LRRC37A: variants seen among roughly 807,000 people sequenced by gnomAD.
LRRC37A encodes leucine-rich repeat-containing protein 37A.
A neutral mutation model predicts 35.4 loss-of-function variants in LRRC37A; 3 were observed. The ratio of observed to expected loss-of-function variants is 0.08; its 90% CI spans 0.04 to 0.22. LRRC37A has a LOEUF of 0.22. Ranked by LOEUF, LRRC37A falls within the 10% of genes least tolerant of loss-of-function variation. The probability of loss-of-function intolerance (pLI) is 1.00; values close to 1 mark genes in which losing one functional copy is unlikely to be tolerated. For synonymous variants in LRRC37A, 23 were observed against 215.0 expected (o/e 0.11, Z 7.81); for missense variants, 67 against 565.3 (o/e 0.12, Z 8.94).
the LRRC37A span, among the ~76,000 whole-genome samples, chr17:46,266,551 G>C: frequency 2.0e-4 from 30 of 152,314 alleles, no homozygotes; most frequent in African/African-American, 7.2e-4. Context: ...CGCGGGTGTG[G>C]AGAAGGGGTT....
At chr17:46,251,100 A>G in the LRRC37A span, among the ~76,000 whole-genome samples, 1 of 152,152 alleles carries the variant, frequency 6.6e-6, no homozygotes, top group African/African-American at 2.4e-5. Flanking sequence ...CCCTGTCTCA[A>G]AAAACAAACA....
chr17:46,252,437 G>T, the LRRC37A span, among the ~76,000 whole-genome samples: 4 of 145,638 alleles, frequency 2.7e-5, no homozygotes, highest in Admixed American at 1.4e-4. Flanking sequence ...GATTTGGCAG[G>T]GTCATAGGAC....
the LRRC37A span, among the ~76,000 whole-genome samples, chr17:46,286,607 T>C: frequency 6.6e-6 from 1 of 151,916 alleles, no homozygotes; most frequent in African/African-American, 2.4e-5. Flanking sequence ...AAACATTCAC[T>C]ATGAAGCAAG....
chr17:46,261,037 A>G, the LRRC37A span, among the ~76,000 whole-genome samples: 1 of 152,186 alleles, frequency 6.6e-6, no homozygotes, highest in Admixed American at 6.5e-5. Flanking sequence ...AGAATGACAC[A>G]GTGGACTTTG....
the LRRC37A span, among the ~76,000 whole-genome samples, chr17:46,278,548 C>T: frequency 5.7e-4 from 86 of 150,724 alleles, 1 homozygote; most frequent in South Asian, 0.015. Context: ...GGATTACAGG[C>T]GCTCACCACT....
chr17:46,291,487 G>C (rs1413019309), upstream of LRRC37A, among the ~76,000 whole-genome samples: 1 of 151,112 alleles, frequency 6.6e-6, no homozygotes, highest in African/African-American at 2.5e-5. Context: ...CTGTGTGTGA[G>C]GCAGTGATAG....
At chr17:46,288,131 A>G (rs1302274979), upstream of LRRC37A, among the ~76,000 whole-genome samples, 2 of 152,028 alleles carry the variant, frequency 1.3e-5, no homozygotes, top group East Asian at 3.9e-4. Context: ...ATACATGGCT[A>G]TGTAGTTTAT....
intron 3 of LRRC37A, among the ~76,000 whole-genome samples, chr17:46,305,035 A>AT (rs1183070261): frequency 0.016 from 1,024 of 63,194 alleles, 37 homozygotes; most frequent in African/African-American, 0.028. Flanking sequence ...GGCCCGGCTA[A>AT]TTTTTTTTTT....
the LRRC37A span, among the ~76,000 whole-genome samples, chr17:46,281,123 C>A: frequency 7.0e-5 from 10 of 141,868 alleles, no homozygotes; most frequent in Non-Finnish European, 1.6e-4. Flanking sequence ...CTAAAAGTTT[C>A]TTTTATTCTT....
At chr17:46,316,051 G>T (rs1361481534) in intron 5 of LRRC37A, among the ~76,000 whole-genome samples, 109 of 11,866 alleles carry the variant, frequency 9.2e-3, no homozygotes, top group African/African-American at 0.023. Flanking sequence ...AGCCTCCTGA[G>T]TAGCTGGGAC....
chr17:46,277,637 TTTTC>T, the LRRC37A span, among the ~76,000 whole-genome samples: 10 of 150,258 alleles, frequency 6.7e-5, no homozygotes, highest in Non-Finnish European at 7.4e-5. Flanking sequence ...TTTTCTTTTC[TTTTC>T]TTTCTTTCTT....
intron 3 of LRRC37A, among the ~76,000 whole-genome samples, chr17:46,304,951 G>T (rs1447050625): frequency 1.5e-5 from 1 of 67,640 alleles, no homozygotes; most frequent in African/African-American, 3.4e-5. Flanking sequence ...TCACTGCAAG[G>T]TCCGCCTCCT....
At chr17:46,258,153 AAG>A in the LRRC37A span, among the ~76,000 whole-genome samples, 2 of 152,236 alleles carry the variant, frequency 1.3e-5, no homozygotes, top group Non-Finnish European at 2.9e-5. Context: ...ATGACTAAAA[AAG>A]AGAGAGAACA....
At chr17:46,272,989 CTT>C in the LRRC37A span, among the ~76,000 whole-genome samples, 3 of 152,186 alleles carry the variant, frequency 2.0e-5, no homozygotes, top group African/African-American at 7.2e-5. Flanking sequence ...AAAAACATTA[CTT>C]TATTTTTCTA....
chr17:46,255,335 G>A, the LRRC37A span, among the ~76,000 whole-genome samples: 1,948 of 151,588 alleles, frequency 0.013, 32 homozygotes, highest in African/African-American at 0.042. Context: ...TACTATTATG[G>A]GCTAAGTGTT....
At position 46,314,471 on chromosome 17, in the gene LRRC37A, G is replaced by T. The variant is rs1461109699; in HGVS notation, c.2907-7851G>T. ...GTTCAGGTGACGCCATTGCACTCAA[G>T]CCTGGGCAACAGAGTGAGACTCCAA... On this transcript the variant is annotated intron_variant, in intron 5 of 13. Coordinates refer to ENST00000320254, the Ensembl canonical transcript of LRRC37A. 2.4e-5 allele frequency among the ~76,000 whole-genome samples: 2 copies of T among 82,018 alleles called. 1 individual carries two copies. Among genetic ancestry groups the T allele is most frequent in the Non-Finnish European group, 7.0e-5 (2 of 28,380 alleles). The allele number at this position is 82,018 out of a possible 152,430, so 53.8% of individuals were successfully genotyped here.
At chr17:46,279,453 G>C in the LRRC37A span, among the ~76,000 whole-genome samples, 1 of 150,948 alleles carries the variant, frequency 6.6e-6, no homozygotes, top group Non-Finnish European at 1.5e-5. Context: ...CAAAGTGCTG[G>C]GATTACAGGC....
At chr17:46,276,790 C>CTTTTTTTTTTTTTTTTTTT in the LRRC37A span, among the ~76,000 whole-genome samples, 5 of 134,314 alleles carry the variant, frequency 3.7e-5, no homozygotes, top group African/African-American at 5.5e-5. Flanking sequence ...TTCTTTTTTT[C>CTTTTTTTTTTTTTTTTTTT]TTTTTTTTTT....
At chr17:46,251,729 C>T in the LRRC37A span, among the ~76,000 whole-genome samples, 607 of 150,716 alleles carry the variant, frequency 4.0e-3, 2 homozygotes, top group Non-Finnish European at 6.2e-3. Flanking sequence ...ATCCATTATC[C>T]CTGTTTTTAT....
Sources: allele counts gnomAD v4.1 joint callset (sites outside exome capture counted in the v4.1 genomes callset), GRCh38; gene constraint gnomAD v4.1.1; transcripts MANE v1.5; gene names NCBI Gene and HGNC (gene_info 2026-07-23, HGNC 2026-07-21).